The following CFAP43 variants were observed in gnomAD, a reference collection of about 807,000 sequenced individuals.
CFAP43 encodes the protein cilia- and flagella-associated protein 43.
CFAP43 carries 155 observed loss-of-function variants against 218.9 expected under a neutral mutation model. The ratio of observed to expected loss-of-function variants is 0.71; its 90% CI spans 0.62 to 0.81. The LOEUF (loss-of-function observed/expected upper bound fraction) is 0.81. Among genes scored for constraint, CFAP43 ranks in the 30% least tolerant of loss-of-function variants. CFAP43 has a pLI of 0.00. For missense variants in CFAP43, 1,778 were observed against 1,954.3 expected, an observed-to-expected ratio of 0.91 and a Z score of 1.70; for synonymous variants, 645 against 681.3, an observed-to-expected ratio of 0.95 and a Z score of 0.83.
intron 28 of CFAP43, among the ~76,000 whole-genome samples, chr10:104,149,938 C>T (rs763044255): frequency 6.6e-6 from 1 of 152,024 alleles, no homozygotes; most frequent in Non-Finnish European, 1.5e-5. Context: ...CTGTTACCTC[C>T]TAGAGGCCTC....
At position 104,232,213 on chromosome 10, in the gene CFAP43, G is replaced by A. The variant is rs1352971817; in HGVS notation, c.34C>T (p.His12Tyr). Residue 12 changes from histidine to tyrosine, a missense_variant, in exon 1 of 38, where the codon CAC becomes TAC. By Grantham distance (83) the His-to-Tyr change is moderately conservative. Around this residue, in one of 3 missense-constraint regions of CFAP43, gnomAD observed 1,553 missense variants for 1,685.2 expected, o/e 0.92. Coordinates refer to ENST00000357060, the MANE Select transcript of CFAP43 (RefSeq NM_025145.7). ...AQGRERDEGP[H>Y]SAGGASLSVR... ...GACAAGGACGCGCCGCCGGCGGAGT[G>A]GGGGCCTTCGTCGCGCTCCCGGCCT... 4 of 1,609,260 alleles carry A rather than the reference G, an allele frequency of 2.5e-6. No homozygotes were observed. Among genetic ancestry groups the A allele is most frequent in the Non-Finnish European group, 3.4e-6 (4 of 1,178,628 alleles).
intron 2 of CFAP43, among the ~76,000 whole-genome samples, chr10:104,229,266 A>G (rs1421034619): frequency 1.3e-5 from 2 of 152,292 alleles, no homozygotes; most frequent in Non-Finnish European, 1.5e-5. Flanking sequence ...CTCAAGCATG[A>G]GCTTTCTGCC....
chr10:104,147,218 C>T (rs17116568), intron 29 of CFAP43, among the ~76,000 whole-genome samples: 2,658 of 150,546 alleles, frequency 0.018, 86 homozygotes, highest in African/African-American at 0.062. Flanking sequence ...ATCTAGTATG[C>T]TGCAGGGTTG....
chr10:104,175,746 T>C (rs1004928096), intron 19 of CFAP43, among the ~76,000 whole-genome samples: 1 of 152,170 alleles, frequency 6.6e-6, no homozygotes, highest in Non-Finnish European at 1.5e-5. Flanking sequence ...CCTGCAGACA[T>C]GTGCCACCAC....
intron 19 of CFAP43, among the ~76,000 whole-genome samples, chr10:104,178,456 T>C (rs1478136272): frequency 6.6e-6 from 1 of 152,198 alleles, no homozygotes; most frequent in Non-Finnish European, 1.5e-5. Flanking sequence ...TGAAGAATAT[T>C]CAAATAACTA....
At chr10:104,198,593 A>G (rs950182985) in intron 8 of CFAP43, among the ~76,000 whole-genome samples, 2 of 151,974 alleles carry the variant, frequency 1.3e-5, no homozygotes, top group Non-Finnish European at 1.5e-5. Flanking sequence ...ATAAATAACC[A>G]TAAGACTTTC....
chr10:104,176,511 A>G (rs996781111), intron 19 of CFAP43, among the ~76,000 whole-genome samples: 28 of 152,206 alleles, frequency 1.8e-4, no homozygotes, highest in Non-Finnish European at 3.8e-4. Context: ...GCACATTATA[A>G]AAGTTAAAAG....
At chr10:104,196,194 GTCCTTGGTATA>G (rs958555284) in intron 10 of CFAP43, among the ~76,000 whole-genome samples, 8 of 152,262 alleles carry the variant, frequency 5.3e-5, no homozygotes, top group African/African-American at 1.9e-4. Context: ...GAAAGACAAG[GTCCTTGGTATA>G]TCATTTAAAC....
intron 5 of CFAP43, among the ~76,000 whole-genome samples, chr10:104,210,326 T>C (rs548571293): frequency 7.2e-5 from 11 of 152,360 alleles, no homozygotes; most frequent in Middle Eastern, 3.4e-3. Flanking sequence ...ACAGAGATTT[T>C]TGAATGAACT....
intron 17 of CFAP43, among the ~76,000 whole-genome samples, chr10:104,180,236 C>T (rs636555): frequency 0.098 from 14,850 of 152,182 alleles, 1,155 homozygotes; most frequent in African/African-American, 0.21. Context: ...AGGGCCTGTG[C>T]CACCATCTAT....
At chr10:104,186,226 AATG>A in intron 14 of CFAP43, 103 bp from the exon 15 acceptor site, 1 of 982,182 alleles carries the variant, frequency 1.0e-6, no homozygotes, top group South Asian at 3.2e-5. Context: ...TTGTAAATAA[AATG>A]ATATGGCATA....
chr10:104,220,223 C>A lies in CFAP43; in HGVS notation c.416+5238G>T, dbSNP rs996868281. 2.0e-5 allele frequency among the ~76,000 whole-genome samples: 3 copies of A among 152,274 alleles called. No individual in the cohort carries two copies. In the East Asian group the frequency reaches 5.8e-4, roughly 29 times the overall value. The stretch of plus-strand genomic sequence containing the variant: ...TTGGTGAGAGGCGCGGGGGCAGATT[C>A]TCTCTCACAGCCCTCAGTAGGAACC... On this transcript the variant is annotated intron_variant, in intron 3 of 37. Transcript: ENST00000357060.
intron 16 of CFAP43, among the ~76,000 whole-genome samples, chr10:104,183,469 A>C (rs1030896259): frequency 1.3e-5 from 2 of 150,104 alleles, no homozygotes; most frequent in African/African-American, 4.9e-5. Flanking sequence ...GGCTCACTGC[A>C]AGCTCCGCTT....
Position 104,225,488 on chromosome 10 carries a change from G to T in CFAP43, c.389C>A (p.Ser130Tyr), listed in dbSNP as rs1339816448. ...AAGGGCCAGTTCAAATTCTGGGAGAGAGGAGTAACTAGCCAGGTAGGTGCC... is the reference window on the plus strand; with the variant it reads ...AAGGGCCAGTTCAAATTCTGGGAGATAGGAGTAACTAGCCAGGTAGGTGCC... ...YCGTYLASYSSLPEFELALWN... is the reference protein window; with the variant it reads ...YCGTYLASYSYLPEFELALWN... Residue 130 changes from serine to tyrosine, a missense_variant, in exon 3 of 38, where the codon TCT (serine) becomes TAT (tyrosine). Coordinates refer to ENST00000357060, the MANE Select transcript of CFAP43 (RefSeq NM_025145.7). 6.2e-7 allele frequency: 1 copy of T among 1,612,694 alleles called. No individual in the cohort carries two copies. The highest frequency in any genetic ancestry group is 1.7e-5 in the Admixed American group (1 of 59,920).
intron 7 of CFAP43, among the ~76,000 whole-genome samples, chr10:104,204,868 G>A (rs910801611): frequency 1.2e-4 from 19 of 152,200 alleles, no homozygotes; most frequent in Non-Finnish European, 1.5e-5. Flanking sequence ...ATGTTTTAGT[G>A]TAGGTCAGTT....
intron 19 of CFAP43, among the ~76,000 whole-genome samples, chr10:104,177,536 C>G (rs895654163): frequency 6.6e-6 from 1 of 152,106 alleles, no homozygotes; most frequent in Non-Finnish European, 1.5e-5. Flanking sequence ...CCTGCTGATG[C>G]TACTTATTGC....
intron 27 of CFAP43, among the ~76,000 whole-genome samples, chr10:104,159,734 G>A (rs2088774027): frequency 6.6e-6 from 1 of 152,160 alleles, no homozygotes; most frequent in East Asian, 1.9e-4. Context: ...GTCAGGTGTT[G>A]AAAGTTTGGG....
intron 7 of CFAP43, among the ~76,000 whole-genome samples, chr10:104,205,041 C>T (rs1175475713): frequency 6.6e-6 from 1 of 151,780 alleles, no homozygotes; most frequent in African/African-American, 2.4e-5. Flanking sequence ...GGTGAAACCC[C>T]GTCTCTACTA....
intron 24 of CFAP43, 21 bp downstream of exon 24, chr10:104,164,073 G>C (rs1275583970): frequency 5.0e-6 from 8 of 1,611,658 alleles, no homozygotes; most frequent in Non-Finnish European, 5.9e-6. Flanking sequence ...GAAGGGAAAG[G>C]AGAACACAGC....
Sources: allele counts gnomAD v4.1 joint callset (sites outside exome capture counted in the v4.1 genomes callset), GRCh38; gene constraint gnomAD v4.1.1; regional missense constraint gnomAD v4.1.1; transcripts MANE v1.5; gene names NCBI Gene and HGNC (gene_info 2026-07-23, HGNC 2026-07-21).